The following ATP5PO variants were observed in gnomAD, a reference collection of about 807,000 sequenced individuals.
The protein encoded by ATP5PO is ATP synthase peripheral stalk subunit OSCP, also known as ATP synthase peripheral stalk subunit OSCP, mitochondrial.
In ATP5PO, 14 loss-of-function variants were observed where a neutral mutation model predicts 26.2. The observed-to-expected ratio is 0.53, with a 90% CI of 0.35 to 0.83. ATP5PO has a LOEUF of 0.83. Among genes scored for constraint, ATP5PO ranks in the 40% least tolerant of loss-of-function variants. The pLI is 0.01. For synonymous variants in ATP5PO, 106 were observed against 95.1 expected, an observed-to-expected ratio of 1.12 and a Z score of -0.67; for missense variants, 241 against 258.5, an observed-to-expected ratio of 0.93 and a Z score of 0.46.
chr21:33,904,826 C>CGCCTCCCAGGTTCAAGTGATTCTCCT (rs1420064798), intron 5 of ATP5PO, among the ~76,000 whole-genome samples: 2 of 152,100 alleles, frequency 1.3e-5, no homozygotes, highest in African/African-American at 4.8e-5. Flanking sequence ...CTGTAGCCTC[C>CGCCTCCCAGGTTCAAGTGATTCTCCT]GCCTCCCAGG....
rs536355622 is a variant in ATP5PO, at chr21:33,908,992, C to T, written c.328+90G>A. 1.2e-5 allele frequency: 17 copies of T among 1,392,188 alleles called. No homozygotes were observed. In the South Asian group the frequency reaches 2.5e-4, roughly 20 times the overall value. The allele number at this position is 1,392,188 out of a possible 1,614,324, so 86.2% of individuals were successfully genotyped here. A position where few individuals can be genotyped will look rare whatever the true frequency, so the allele number is the denominator to read the frequency against. ...GAGATTCTTCACTGCCAACAGGCTC[C>T]CAGGTGATGCTGATGCCGCCCACAG... On this transcript the variant is annotated intron_variant, in intron 4 of 6. Transcript: ENST00000290299.
At chr21:33,914,057 C>T (rs1182020270) in intron 2 of ATP5PO, among the ~76,000 whole-genome samples, 1 of 152,010 alleles carries the variant, frequency 6.6e-6, no homozygotes, top group African/African-American at 2.4e-5. Context: ...GGACTACAGG[C>T]GTGAGCCACC....
In ATP5PO at chr21:33,909,125, G is replaced by C; in HGVS notation, c.285C>G (p.Ile95Met). The change falls in exon 4 of 7, where the codon ATC becomes ATG. Residue 95 changes from isoleucine to methionine, a missense_variant. Ile to Met is a conservative substitution (Grantham distance 10). This residue lies in a region of ATP5PO where 39 missense variants were observed against 75.5 expected (regional missense o/e 0.52). Coordinates refer to ENST00000290299, the MANE Select transcript of ATP5PO (RefSeq NM_001697.3). ...GGGGAGAGAACCTCTCTTTTGCTGTGATGTCATTTAGGCTTTTCACTTTAA... is the reference window on the plus strand; with the variant it reads ...GGGGAGAGAACCTCTCTTTTGCTGTCATGTCATTTAGGCTTTTCACTTTAA... ...RSIKVKSLNDITAKERFSPLT... is the reference protein window; with the variant it reads ...RSIKVKSLNDMTAKERFSPLT... 6.2e-7 allele frequency: 1 copy of C among 1,613,086 alleles called. No individual in the cohort carries two copies. Among genetic ancestry groups the C allele is most frequent in the South Asian group, 1.1e-5 (1 of 91,058 alleles).
intron 2 of ATP5PO, 39 bp downstream of exon 2, chr21:33,914,411 G>A (rs1202127583): frequency 1.9e-6 from 3 of 1,587,150 alleles, no homozygotes; most frequent in Non-Finnish European, 2.6e-6. Flanking sequence ...TCACACTTTC[G>A]CGTACTTTAT....
rs1376769449 is a variant in ATP5PO at position 33,912,378 on chromosome 21, T to A, written c.109A>T (p.Ile37Phe). 1 of 1,612,048 alleles carries A rather than the reference T, an allele frequency of 6.2e-7. No individual in the cohort carries two copies. Among genetic ancestry groups the A allele is most frequent in the Admixed American group, 1.7e-5 (1 of 59,950 alleles). ...LVRPPVQVYG[I>F]EGRYATALYS... ...AGAGCTGTGGCATAGCGACCTTCAA[T>A]ACCGTATACCTGAACAGGAGGCTTT... The change falls in exon 3 of 7, where the codon ATT becomes TTT. Residue 37 changes from isoleucine (I) to phenylalanine (F), a missense_variant. Ile to Phe is a conservative substitution (Grantham distance 21). Around this residue, in one of 3 missense-constraint regions of ATP5PO, gnomAD observed 125 missense variants for 108.5 expected, o/e 1.15. Transcript: ENST00000290299.
intron 3 of ATP5PO, among the ~76,000 whole-genome samples, chr21:33,911,327 G>T (rs1017210070): frequency 6.6e-6 from 1 of 151,932 alleles, no homozygotes; most frequent in Non-Finnish European, 1.5e-5. Context: ...GTCTTTGCCT[G>T]TCAGTCCTCT....
intron 5 of ATP5PO, among the ~76,000 whole-genome samples, chr21:33,905,918 G>GAAAAAAAAAAA (rs59334506): frequency 0.02 from 2,007 of 98,288 alleles, 130 homozygotes; most frequent in East Asian, 0.025. Flanking sequence ...TCTCAAAAAA[G>GAAAAAAAAAAA]AAAAAAAAAA....
chr21:33,915,559 G>C (rs1240606262), intron 1 of ATP5PO, 169 bp downstream of exon 1: 19 of 1,045,790 alleles, frequency 1.8e-5, no homozygotes, highest in Non-Finnish European at 2.6e-5. Context: ...TAGGCATCCC[G>C]GGGGACAAAC....
intron 2 of ATP5PO, among the ~76,000 whole-genome samples, 174 bp from the exon 3 acceptor site, chr21:33,912,573 G>A (rs539947802): frequency 1.3e-5 from 2 of 152,238 alleles, no homozygotes; most frequent in African/African-American, 2.4e-5. Context: ...ATAAATTAGC[G>A]ATGTTTCCTT....
intron 1 of ATP5PO, 88 bp downstream of exon 1, chr21:33,915,640 G>A (rs913386536): frequency 6.6e-7 from 1 of 1,515,230 alleles, no homozygotes; most frequent in Non-Finnish European, 8.9e-7. Context: ...TTCCCCAGCC[G>A]AAGCATCGCA....
chr21:33,912,537 G>C, intron 2 of ATP5PO, 138 bp from the exon 3 acceptor site: 1 of 536,068 alleles, frequency 1.9e-6, no homozygotes, highest in Non-Finnish European at 3.1e-6. Context: ...TGTCATTCAA[G>C]AGCTGTCCTA....
intron 5 of ATP5PO, among the ~76,000 whole-genome samples, chr21:33,906,293 T>C (rs1987171943): frequency 6.6e-6 from 1 of 152,172 alleles, no homozygotes; most frequent in Non-Finnish European, 1.5e-5. Context: ...TGTTTTCCTG[T>C]AGGGTAAGCT....
At chr21:33,909,713 G>A (rs900273866) in intron 3 of ATP5PO, among the ~76,000 whole-genome samples, 2 of 152,122 alleles carry the variant, frequency 1.3e-5, no homozygotes, top group Non-Finnish European at 2.9e-5. Context: ...ATAGAATGAT[G>A]TTCCTCAAAA....
chr21:33,915,494 T>C, intron 1 of ATP5PO: 1 of 578,820 alleles, frequency 1.7e-6, no homozygotes, highest in South Asian at 2.4e-5. Context: ...TTCCAGGGGC[T>C]GTGCTCGGAA....
chr21:33,907,310 G>T, intron 5 of ATP5PO, 31 bp downstream of exon 5: 1 of 1,558,158 alleles, frequency 6.4e-7, no homozygotes, highest in Non-Finnish European at 8.8e-7. Context: ...TAATATCAAG[G>T]CAAACACAGC....
At chr21:33,913,703 A>G (rs1892689) in intron 2 of ATP5PO, among the ~76,000 whole-genome samples, 12,516 of 152,178 alleles carry the variant, frequency 0.082, 737 homozygotes, top group East Asian at 0.24. Flanking sequence ...TGCCTACTGG[A>G]AAGAAAGGGT....
At position 33,903,631 on chromosome 21, in the gene ATP5PO, C is replaced by T. The variant is rs537287884; in HGVS notation, c.537G>A (p.Pro179=). ...GCACAATCATTCCACCCAAGATTGA[C>T]GGATCAGTCTACAAAAGAAGTAAGA... is the stretch of plus-strand genomic sequence containing the variant. ...QVLKLEAKTD[P]SILGGMIVRI... The change falls in exon 7 of 7, where the codon CCG becomes CCA. Residue 179 remains proline, a synonymous_variant. Transcript: ENST00000290299. 476 of 1,613,866 alleles carry T rather than the reference C, an allele frequency of 2.9e-4. 4 individuals carry two copies. Among genetic ancestry groups the T allele is most frequent in the South Asian group, 2.5e-3 (228 of 91,054 alleles).
At chr21:33,914,855 C>T (rs1363015784) in intron 1 of ATP5PO, 1 of 187,950 alleles carries the variant, frequency 5.3e-6, no homozygotes, top group Non-Finnish European at 1.1e-5. Context: ...TTGAGCAGAT[C>T]ATTTGCAACA....
intron 5 of ATP5PO, 127 bp from the exon 6 acceptor site, chr21:33,904,148 A>G (rs1314850286): frequency 6.9e-6 from 5 of 721,746 alleles, no homozygotes; most frequent in Non-Finnish European, 1.1e-5. Context: ...TGGGCCCATC[A>G]TGGAGCTGCT....
Sources: gnomAD v4.1 joint callset for allele counts (sites outside exome capture counted in the v4.1 genomes callset) on GRCh38, gnomAD v4.1.1 for gene constraint, gnomAD v4.1.1 regional missense constraint, MANE v1.5 for transcripts, NCBI Gene and HGNC (gene_info 2026-07-23, HGNC 2026-07-21) for gene names.